The following CDIN1 variants were observed in gnomAD, a reference collection of about 807,000 sequenced individuals.
CDIN1 encodes CDAN1 interacting nuclease 1.
Under a neutral mutation model 45.3 loss-of-function variants are expected in CDIN1, and 33 were observed. The observed-to-expected ratio is 0.73, with a 90% CI of 0.55 to 0.97. The LOEUF is 0.97. CDIN1 is among the 50% of genes least tolerant of loss of function. The pLI is 0.00. For missense variants in CDIN1, 303 were observed against 339.4 expected (o/e 0.89, Z 0.84); for synonymous variants, 118 against 124.4 (o/e 0.95, Z 0.34).
At chr15:36,662,013 G>C (rs1408367624) in intron 5 of CDIN1, among the ~76,000 whole-genome samples, 1 of 152,156 alleles carries the variant, frequency 6.6e-6, no homozygotes, top group African/African-American at 2.4e-5. Context: ...AATCGACCAT[G>C]TTTACTGCTA....
intron 10 of CDIN1, among the ~76,000 whole-genome samples, chr15:36,792,221 A>G (rs1489585172): frequency 1.3e-5 from 2 of 152,230 alleles, no homozygotes; most frequent in East Asian, 1.9e-4. Flanking sequence ...CTATGGGGCC[A>G]TCTTAGAGCC....
chr15:36,701,455 A>G (rs953370593), intron 8 of CDIN1, among the ~76,000 whole-genome samples: 1 of 152,148 alleles, frequency 6.6e-6, no homozygotes, highest in African/African-American at 2.4e-5. Context: ...AGGAAAGGAA[A>G]AGAAAATAGT....
chr15:36,696,579 A>T (rs902319895), intron 7 of CDIN1: 4 of 152,228 alleles, frequency 2.6e-5, no homozygotes, highest in Non-Finnish European at 5.9e-5. Context: ...ATTTTAATTT[A>T]AAAATTTTTT....
chr15:36,703,171 T>A (rs1344946355), intron 8 of CDIN1, among the ~76,000 whole-genome samples: 1 of 126,876 alleles, frequency 7.9e-6, no homozygotes, highest in African/African-American at 2.8e-5. Context: ...TGAGCCATGA[T>A]GGCACCTCTG....
intron 10 of CDIN1, among the ~76,000 whole-genome samples, chr15:36,731,374 T>A (rs2043827455): frequency 6.6e-6 from 1 of 152,160 alleles, no homozygotes; most frequent in South Asian, 2.1e-4. Flanking sequence ...TAATTTCATC[T>A]ACGATTACTT....
At chr15:36,594,886 T>A (rs1042653319) in intron 1 of CDIN1, 21 of 985,516 alleles carry the variant, frequency 2.1e-5, no homozygotes, top group Non-Finnish European at 2.4e-5. Flanking sequence ...TACCACCCCA[T>A]TTCCTCAAAG....
chr15:36,676,801 G>T (rs559421685), intron 5 of CDIN1, among the ~76,000 whole-genome samples: 16 of 152,242 alleles, frequency 1.1e-4, no homozygotes, highest in Middle Eastern at 3.4e-3. Context: ...TGCTCTGCAT[G>T]GAGCACTAGC....
At chr15:36,607,489 A>C (rs1404703368) in intron 1 of CDIN1, among the ~76,000 whole-genome samples, 1 of 152,122 alleles carries the variant, frequency 6.6e-6, no homozygotes, top group Non-Finnish European at 1.5e-5. Context: ...ACTTCATATG[A>C]TCTAATATGC....
chr15:36,745,923 G>A (rs138034270), intron 10 of CDIN1, among the ~76,000 whole-genome samples: 5,881 of 152,084 alleles, frequency 0.039, 401 homozygotes, highest in African/African-American at 0.13. Context: ...CCGAGATCAC[G>A]CCATTGCACT....
chr15:36,621,872 G>GTTTT (rs553981750), intron 1 of CDIN1, among the ~76,000 whole-genome samples: 1 of 142,388 alleles, frequency 7.0e-6, no homozygotes, highest in African/African-American at 2.6e-5. Flanking sequence ...AACAAGTTCA[G>GTTTT]TTTTTTTTTT....
At chr15:36,788,111 T>TAA (rs2054552002) in intron 10 of CDIN1, among the ~76,000 whole-genome samples, 2 of 108,354 alleles carry the variant, frequency 1.8e-5, no homozygotes, top group African/African-American at 9.3e-5. Flanking sequence ...TATATATTTT[T>TAA]TTTTTTTTTT....
intron 8 of CDIN1, chr15:36,705,823 T>C (rs1025945679): frequency 1.3e-5 from 2 of 152,190 alleles, no homozygotes; most frequent in South Asian, 4.1e-4. Flanking sequence ...CTGTAGTTGC[T>C]GAATAAGACA....
chr15:36,697,216 G>C, intron 7 of CDIN1, 107 bp from the exon 8 acceptor site: 1 of 829,142 alleles, frequency 1.2e-6, no homozygotes, highest in South Asian at 1.5e-5. Context: ...ATTCCTCCAA[G>C]ATGTGGACTA....
At chr15:36,742,526 A>G (rs1349864829) in intron 10 of CDIN1, among the ~76,000 whole-genome samples, 1 of 152,212 alleles carries the variant, frequency 6.6e-6, no homozygotes, top group Non-Finnish European at 1.5e-5. Flanking sequence ...TATGTAAAAT[A>G]AACTTTTTCA....
intron 10 of CDIN1, among the ~76,000 whole-genome samples, chr15:36,751,563 C>T (rs538497169): frequency 6.6e-6 from 1 of 151,966 alleles, no homozygotes; most frequent in South Asian, 2.1e-4. Flanking sequence ...CTATTTGCAA[C>T]CATTGTGGAA....
chr15:36,649,003 G>T (rs1395081916), intron 3 of CDIN1, among the ~76,000 whole-genome samples: 1 of 152,126 alleles, frequency 6.6e-6, no homozygotes, highest in Non-Finnish European at 1.5e-5. Flanking sequence ...GAAAAAAAAA[G>T]TTTAATTTGA....
intron 5 of CDIN1, among the ~76,000 whole-genome samples, chr15:36,687,335 C>T (rs1595471881): frequency 6.6e-6 from 1 of 151,798 alleles, no homozygotes; most frequent in East Asian, 1.9e-4. Context: ...CATAATGACA[C>T]AATAAAGTTC....
chr15:36,672,409 G>A (rs1371396623), intron 5 of CDIN1, among the ~76,000 whole-genome samples: 1 of 151,930 alleles, frequency 6.6e-6, no homozygotes, highest in Non-Finnish European at 1.5e-5. Context: ...AGGCTCTTGG[G>A]AGATCTCAGG....
chr15:36,618,855 C>G, intron 1 of CDIN1: 1 of 904,546 alleles, frequency 1.1e-6, no homozygotes, highest in Non-Finnish European at 1.9e-6. Flanking sequence ...CCTCCAAGTA[C>G]TACAAAGCCA....
Sources: gnomAD v4.1 joint callset for allele counts (sites outside exome capture counted in the v4.1 genomes callset) on GRCh38, gnomAD v4.1.1 for gene constraint, MANE v1.5 for transcripts, NCBI Gene and HGNC (gene_info 2026-07-23, HGNC 2026-07-21) for gene names.